Variants in SLC5A3 observed in about 807,000 individuals in gnomAD.
SLC5A3 encodes the protein solute carrier family 5 member 3.
SLC5A3 carries 10 observed loss-of-function variants against 43.2 expected under a neutral mutation model. That is an observed-to-expected ratio of 0.23 (90% confidence interval 0.14 to 0.39). SLC5A3 has a LOEUF of 0.39. Among genes scored for constraint, SLC5A3 ranks in the 10% least tolerant of loss-of-function variants. The pLI is 1.00. For missense variants in SLC5A3, 608 were observed against 893.4 expected (o/e 0.68, Z 4.07); for synonymous variants, 349 against 322.0 (o/e 1.08, Z -0.90).
At chr21:34,075,510 C>T (rs932779356) in intron 1 of SLC5A3, among the ~76,000 whole-genome samples, 3 of 151,978 alleles carry the variant, frequency 2.0e-5, no homozygotes, top group Non-Finnish European at 1.5e-5. Flanking sequence ...TAATAAATAA[C>T]CTTCCTTGAA....
rs1465410004 is a variant in SLC5A3 at position 34,097,641 on chromosome 21, G to C, written c.*286G>C. 3.5e-6 allele frequency: 4 copies of C among 1,133,108 alleles called. No homozygotes were observed. Among genetic ancestry groups the C allele is most frequent in the Non-Finnish European group, 4.4e-6 (4 of 915,022 alleles). 70.2% of individuals were successfully genotyped at this position (1,133,108 alleles called of 1,614,324 possible). On this transcript the variant is annotated 3_prime_UTR_variant, in exon 2 of 2. Coordinates refer to ENST00000381151, the MANE Select transcript of SLC5A3 (RefSeq NM_006933.7). ...ACCAATTATTCTCACAGAGCACTTA[G>C]AGCAGAATATATGTTAAGTTACCAT...
chr21:34,085,956 T>A (rs1234876040), intron 1 of SLC5A3, among the ~76,000 whole-genome samples: 1 of 152,190 alleles, frequency 6.6e-6, no homozygotes, highest in Non-Finnish European at 1.5e-5. Context: ...TACAATTCCT[T>A]AACACCTCAT....
Position 34,102,888 on chromosome 21 carries a change from C to T in SLC5A3, c.*5533C>T, listed in dbSNP as rs533201681. ...AGAGGAATACATATTACAGTGAATT[C>T]GACAACCGCACAAGTTGGCAGTAGG... On this transcript the variant is annotated 3_prime_UTR_variant, in exon 2 of 2. Transcript: ENST00000381151. The T allele has an allele frequency of 1.6e-5, 16 of 999,704 alleles. No individual in the cohort carries two copies. Among genetic ancestry groups the T allele is most frequent in the African/African-American group, 1.4e-4 (8 of 57,338 alleles). 61.9% of individuals were successfully genotyped at this position (999,704 alleles called of 1,614,324 possible). A position where few individuals can be genotyped will look rare whatever the true frequency, so the allele number is the denominator to read the frequency against.
chr21:34,097,805 A>C lies in SLC5A3; in HGVS notation c.*450A>C, dbSNP rs1211465946. 1.0e-6 allele frequency: 1 copy of C among 1,000,244 alleles called. No individual in the cohort carries two copies. Among genetic ancestry groups the C allele is most frequent in the Non-Finnish European group, 1.2e-6 (1 of 829,852 alleles). 62.0% of individuals were successfully genotyped at this position (1,000,244 alleles called of 1,614,324 possible). ...GAAAAACTTATTTCTTAGACATTGT[A>C]CAATCAGTTATGTACTGAAAATCGA... On this transcript the variant is annotated 3_prime_UTR_variant, in exon 2 of 2. Transcript: ENST00000381151.
Position 34,101,469 on chromosome 21 carries a change from G to T in SLC5A3, c.*4114G>T. 1.0e-6 allele frequency: 1 copy of T among 1,000,048 alleles called. No homozygotes were observed. Among genetic ancestry groups the T allele is most frequent in the Non-Finnish European group, 1.2e-6 (1 of 829,844 alleles). The allele number at this position is 1,000,048 out of a possible 1,614,324, so 61.9% of individuals were successfully genotyped here. Reference sequence around the variant, plus strand: ...ATGCTAGGTTGTTGAAGGCATTTCAGTGTTGATAATAGCCTGAGCAGACTT... The same window carrying T: ...ATGCTAGGTTGTTGAAGGCATTTCATTGTTGATAATAGCCTGAGCAGACTT... On this transcript the variant is annotated 3_prime_UTR_variant, in exon 2 of 2. Transcript: ENST00000381151.
chr21:34,084,796 A>T (rs1317587815), intron 1 of SLC5A3, among the ~76,000 whole-genome samples: 1 of 152,196 alleles, frequency 6.6e-6, no homozygotes, highest in Non-Finnish European at 1.5e-5. Context: ...TCTTTATCTT[A>T]AAATTTTTTT....
rs768163299 is a variant in SLC5A3, at chr21:34,096,773, T to C, written c.1575T>C (p.Ile525=). The C allele has an allele frequency of 5.0e-6, 8 of 1,613,934 alleles. No homozygotes were observed. Among genetic ancestry groups the C allele is most frequent in the Non-Finnish European group, 6.8e-6 (8 of 1,179,990 alleles). ...ATGLFWVTGL[I]TVIVSLLTPP... Reference sequence around the variant, plus strand: ...GATTGTTTTGGGTCACGGGACTCATTACTGTAATTGTGAGCCTTCTCACAC... The same window carrying C: ...GATTGTTTTGGGTCACGGGACTCATCACTGTAATTGTGAGCCTTCTCACAC... Residue 525 remains isoleucine, a synonymous_variant, in exon 2 of 2, where the codon ATT becomes ATC. Coordinates refer to ENST00000381151, the MANE Select transcript of SLC5A3 (RefSeq NM_006933.7). The surrounding 1 kb of genome is among the most constrained non-coding windows in gnomAD (Gnocchi z 5.9).
intron 1 of SLC5A3, among the ~76,000 whole-genome samples, chr21:34,085,639 C>T (rs994830179): frequency 6.0e-5 from 8 of 132,560 alleles, no homozygotes; most frequent in South Asian, 4.6e-4. Flanking sequence ...CTCGCTCTTT[C>T]GCCCAAGCTG....
At position 34,106,127 on chromosome 21, in the gene SLC5A3, A is replaced by C; in HGVS notation, c.*8772A>C. ...TGCATTAGCCTTCAAAAGTATTTGG[A>C]AACTTAAGATGAACTACATTTCTTG... On this transcript the variant is annotated 3_prime_UTR_variant, in exon 2 of 2. Coordinates refer to ENST00000381151, the MANE Select transcript of SLC5A3 (RefSeq NM_006933.7). 1 of 997,194 alleles carries C rather than the reference A, an allele frequency of 1.0e-6. No individual in the cohort carries two copies. Among genetic ancestry groups the C allele is most frequent in the Non-Finnish European group, 1.2e-6 (1 of 827,146 alleles). 61.8% of individuals were successfully genotyped at this position (997,194 alleles called of 1,614,324 possible).
rs995208236 is a variant in SLC5A3, at chr21:34,100,691, G to C, written c.*3336G>C. The C allele has an allele frequency of 1.0e-6, 1 of 1,000,224 alleles. No homozygotes were observed. Among genetic ancestry groups the C allele is most frequent in the South Asian group, 4.7e-5 (1 of 21,276 alleles). The allele number at this position is 1,000,224 out of a possible 1,614,324, so 62.0% of individuals were successfully genotyped here. ...GTTGAGGGGGTTGTTATGCACTTCT[G>C]TAACTTGAGGCTAAGCAAGGGGTTA... On this transcript the variant is annotated 3_prime_UTR_variant, in exon 2 of 2. Coordinates refer to ENST00000381151, the MANE Select transcript of SLC5A3 (RefSeq NM_006933.7).
Position 34,100,871 on chromosome 21 carries a change from T to C in SLC5A3, c.*3516T>C. On this transcript the variant is annotated 3_prime_UTR_variant, in exon 2 of 2. Transcript: ENST00000381151. ...TTTACCACCAAATAAAGCGGCTTATTAGCTACTCAGTTACTTGCTACTCAA... is the reference window on the plus strand; with the variant it reads ...TTTACCACCAAATAAAGCGGCTTATCAGCTACTCAGTTACTTGCTACTCAA... 3.0e-6 allele frequency: 3 copies of C among 1,000,162 alleles called. No individual in the cohort carries two copies. Among genetic ancestry groups the C allele is most frequent in the Non-Finnish European group, 3.6e-6 (3 of 829,908 alleles). 62.0% of individuals were successfully genotyped at this position (1,000,162 alleles called of 1,614,324 possible).
chr21:34,096,338 C>G lies in SLC5A3; in HGVS notation c.1140C>G (p.Asp380Glu), dbSNP rs1311392011. The change falls in exon 2 of 2, where the codon GAC (aspartate) becomes GAG (glutamate). Residue 380 changes from aspartate (D) to glutamate (E), a missense_variant. This residue lies in a region of SLC5A3 where 398 missense variants were observed against 668.6 expected (regional missense o/e 0.60). Transcript: ENST00000381151. This position sits in a 1 kb window ranked among gnomAD's most constrained non-coding sequence, Gnocchi z 5.9. ...VMIAALMSDL[D>E]SIFNSASTIF... ...TTGCAGCTCTGATGAGTGACTTAGA[C>G]TCTATCTTTAACAGTGCCAGTACCA... The G allele has an allele frequency of 1.2e-6, 2 of 1,614,018 alleles. No homozygotes were observed. Among genetic ancestry groups the G allele is most frequent in the East Asian group, 2.2e-5 (1 of 44,894 alleles).
chr21:34,090,627 C>G (rs368801398), intron 1 of SLC5A3, among the ~76,000 whole-genome samples: 3 of 152,310 alleles, frequency 2.0e-5, no homozygotes, highest in African/African-American at 2.4e-5. Context: ...AATATCACTT[C>G]TAGTATATTC....
Position 34,100,574 on chromosome 21 carries a change from C to T in SLC5A3, c.*3219C>T. 1.0e-6 allele frequency: 1 copy of T among 1,000,204 alleles called. No homozygotes were observed. The highest frequency in any genetic ancestry group is 1.2e-6 in the Non-Finnish European group (1 of 829,996). The allele number at this position is 1,000,204 out of a possible 1,614,324, so 62.0% of individuals were successfully genotyped here. A position where few individuals can be genotyped will look rare whatever the true frequency, so the allele number is the denominator to read the frequency against. ...TTGTATTTTGGCACAAAGAGCCTGG[C>T]CAGGGTCATGTAGCCATAGCTCTTA... On this transcript the variant is annotated 3_prime_UTR_variant, in exon 2 of 2. Transcript: ENST00000381151.
chr21:34,106,153 C>CA lies in SLC5A3; in HGVS notation c.*8801dup. On this transcript the variant is annotated 3_prime_UTR_variant, in exon 2 of 2. Coordinates refer to ENST00000381151, the MANE Select transcript of SLC5A3 (RefSeq NM_006933.7). ...AACTTAAGATGAACTACATTTCTTG[C>CA]AAAGTACATTCCTTTCTGTGGTATT... is the stretch of plus-strand genomic sequence containing the variant. The CA allele has an allele frequency of 1.0e-6, 1 of 991,640 alleles. No homozygotes were observed. Among genetic ancestry groups the CA allele is most frequent in the Non-Finnish European group, 1.2e-6 (1 of 822,046 alleles). 61.4% of individuals were successfully genotyped at this position (991,640 alleles called of 1,614,324 possible). A position where few individuals can be genotyped will look rare whatever the true frequency, so the allele number is the denominator to read the frequency against.
At position 34,095,372 on chromosome 21, in the gene SLC5A3, C is replaced by T. The variant is rs1254705294; in HGVS notation, c.174C>T (p.Ser58=). The change falls in exon 2 of 2, where the codon AGC becomes AGT. Residue 58 remains serine (S), a synonymous_variant. Transcript: ENST00000381151. ...CAATTGGTGCCTCTCTGTTTGTGAGCAATATTGGGAGTGAGCACTTCATTG... is the reference window on the plus strand; with the variant it reads ...CAATTGGTGCCTCTCTGTTTGTGAGTAATATTGGGAGTGAGCACTTCATTG... The part of the protein sequence containing the change: ...WVAIGASLFV[S]NIGSEHFIGL... 2.5e-6 allele frequency: 4 copies of T among 1,613,948 alleles called. No individual in the cohort carries two copies. Among genetic ancestry groups the T allele is most frequent in the Non-Finnish European group, 3.4e-6 (4 of 1,179,990 alleles).
At chr21:34,092,668 C>T (rs1978763126) in intron 1 of SLC5A3, among the ~76,000 whole-genome samples, 1 of 152,152 alleles carries the variant, frequency 6.6e-6, no homozygotes, top group South Asian at 2.1e-4. Flanking sequence ...AACAGTGCTT[C>T]CCAGTGATTG....
rs1408288973 is a variant in SLC5A3 at position 34,100,952 on chromosome 21, A to G, written c.*3597A>G. 1 of 1,000,012 alleles carries G rather than the reference A, an allele frequency of 1.0e-6. No individual in the cohort carries two copies. The allele number at this position is 1,000,012 out of a possible 1,614,324, so 61.9% of individuals were successfully genotyped here. A position where few individuals can be genotyped will look rare whatever the true frequency, so the allele number is the denominator to read the frequency against. On this transcript the variant is annotated 3_prime_UTR_variant, in exon 2 of 2. Coordinates refer to ENST00000381151, the MANE Select transcript of SLC5A3 (RefSeq NM_006933.7). Reference sequence around the variant, plus strand: ...GTGTTAAAGCTTACAGGGTTAACTTATGATGATTCTCCTGGCTCATTTTCA... The same window carrying G: ...GTGTTAAAGCTTACAGGGTTAACTTGTGATGATTCTCCTGGCTCATTTTCA...
Position 34,098,737 on chromosome 21 carries a change from G to T in SLC5A3, c.*1382G>T, listed in dbSNP as rs1212137884. Reference sequence around the variant, plus strand: ...ATAGGACTCTAACTTGACATGGCTTGGCACCCACTTGCAGCTAGTGGGTAC... The same window carrying T: ...ATAGGACTCTAACTTGACATGGCTTTGCACCCACTTGCAGCTAGTGGGTAC... On this transcript the variant is annotated 3_prime_UTR_variant, in exon 2 of 2. Transcript: ENST00000381151. 1.8e-5 allele frequency: 18 copies of T among 1,000,018 alleles called. No individual in the cohort carries two copies. Among genetic ancestry groups the T allele is most frequent in the Non-Finnish European group, 2.2e-5 (18 of 829,946 alleles). 61.9% of individuals were successfully genotyped at this position (1,000,018 alleles called of 1,614,324 possible).
Sources: allele counts gnomAD v4.1 joint callset (sites outside exome capture counted in the v4.1 genomes callset), GRCh38; gene constraint gnomAD v4.1.1; regional missense constraint gnomAD v4.1.1; non-coding constraint Gnocchi (gnomAD v3.1); transcripts MANE v1.5; gene names NCBI Gene and HGNC (gene_info 2026-07-23, HGNC 2026-07-21).